Variants in DGCR2 observed in about 807,000 individuals in gnomAD.
DGCR2 encodes integral membrane protein DGCR2/IDD.
Under a neutral mutation model 51.6 loss-of-function variants are expected in DGCR2, and 24 were observed. The ratio of observed to expected loss-of-function variants is 0.47; its 90% CI spans 0.34 to 0.65. The LOEUF is 0.65. DGCR2 is among the 30% of genes least tolerant of loss of function. The pLI, the probability that DGCR2 is intolerant of heterozygous loss-of-function variation, is 0.01. For synonymous variants in DGCR2, 340 were observed against 315.4 expected, an observed-to-expected ratio of 1.08 and a Z score of -0.82; for missense variants, 765 against 772.1, an observed-to-expected ratio of 0.99 and a Z score of 0.11.
Position 19,048,462 on chromosome 22 carries a change from GC to G in DGCR2, c.983del (p.Cys328SerfsTer55). Reference sequence around the variant, plus strand: ...CACCTGGGTCCAGACACATGAACTTGCAGCACTCTTTGGGGTCCTTGCGGTA... The same window carrying G: ...CACCTGGGTCCAGACACATGAACTTGAGCACTCTTTGGGGTCCTTGCGGTA... Reference protein sequence around the residue: ...QQYRKDPKECCKFMCLDPDGN... With the variant: ...QQYRKDPKECXKFMCLDPDGN... On this transcript the variant is annotated frameshift_variant, in exon 7 of 10. Coordinates refer to ENST00000263196, the MANE Select transcript of DGCR2 (RefSeq NM_005137.3). LOFTEE classifies it high-confidence loss of function. 1.2e-6 allele frequency: 2 copies of G among 1,614,208 alleles called. No individual in the cohort carries two copies. The highest frequency in any genetic ancestry group is 1.7e-6 in the Non-Finnish European group (2 of 1,180,054).
intron 1 of DGCR2, among the ~76,000 whole-genome samples, chr22:19,109,781 G>C (rs2083295367): frequency 6.6e-6 from 1 of 152,024 alleles, no homozygotes; most frequent in South Asian, 2.1e-4. Flanking sequence ...CATATTTTAC[G>C]TTATTAAAAA....
intron 3 of DGCR2, 62 bp downstream of exon 3, chr22:19,068,038 G>C: frequency 6.7e-7 from 1 of 1,485,470 alleles, no homozygotes; most frequent in East Asian, 2.4e-5. Context: ...GTGCTGGAAA[G>C]GCAGGGGTCA....
chr22:19,108,339 G>A (rs1275352633), intron 1 of DGCR2, among the ~76,000 whole-genome samples: 1 of 152,108 alleles, frequency 6.6e-6, no homozygotes, highest in Admixed American at 6.5e-5. Context: ...GGAAAGCTGA[G>A]ACAGGAGGAT....
intron 1 of DGCR2, among the ~76,000 whole-genome samples, chr22:19,119,524 TC>T (rs1216244580): frequency 6.6e-6 from 1 of 151,800 alleles, no homozygotes; most frequent in Non-Finnish European, 1.5e-5. Context: ...TCACCAGAGG[TC>T]AGGAGTTCCA....
intron 1 of DGCR2, among the ~76,000 whole-genome samples, chr22:19,090,249 G>A (rs1250133294): frequency 6.6e-6 from 1 of 152,122 alleles, no homozygotes; most frequent in Non-Finnish European, 1.5e-5. Context: ...ATACATGGGG[G>A]AACAGACACA....
chr22:19,083,654 G>A (rs1278195143), intron 2 of DGCR2, among the ~76,000 whole-genome samples: 2 of 150,514 alleles, frequency 1.3e-5, no homozygotes, highest in African/African-American at 2.5e-5. Flanking sequence ...GTTAATTCTC[G>A]TTTATATCAA....
intron 2 of DGCR2, among the ~76,000 whole-genome samples, chr22:19,083,449 T>C (rs1169585713): frequency 1.3e-5 from 2 of 152,186 alleles, no homozygotes; most frequent in African/African-American, 4.8e-5. Flanking sequence ...CTTCTCAACA[T>C]TTTAGAATCG....
chr22:19,038,878 T>G lies in DGCR2; in HGVS notation c.1640A>C (p.Asn547Thr), dbSNP rs754526539. The change falls in exon 10 of 10, where the codon AAT becomes ACT. Residue 547 changes from asparagine (N) to threonine (T), a missense_variant. Physicochemically the swap from Asn to Thr is moderately conservative, Grantham distance 65. This residue lies in a region of DGCR2 where 205 missense variants were observed against 181.4 expected (regional missense o/e 1.13). Coordinates refer to ENST00000263196, the MANE Select transcript of DGCR2 (RefSeq NM_005137.3). The stretch of plus-strand genomic sequence containing the variant: ...AGGCCAGGCCGTCTACACCACAGTA[T>G]TGAGGGAGCTGCGGCTGTGGCGGCC... ...GGGRHSRSSL[N>T]TVV The G allele has an allele frequency of 6.2e-7, 1 of 1,612,918 alleles. No homozygotes were observed. Among genetic ancestry groups the G allele is most frequent in the South Asian group, 1.1e-5 (1 of 91,042 alleles).
chr22:19,056,989 T>C lies in DGCR2; in HGVS notation c.799A>G (p.Arg267Gly). 6.3e-7 allele frequency: 1 copy of C among 1,581,712 alleles called. No homozygotes were observed. Residue 267 changes from arginine to glycine, a missense_variant, in exon 6 of 10, where the codon AGA becomes GGA. This residue lies in a region of DGCR2 where 190 missense variants were observed against 265.2 expected (regional missense o/e 0.72). Transcript: ENST00000263196. ...CYEKSSFLCK[R>G]SQTCVDIKDN... ...ACGCCAGCTCAAGGGGGCTTACTTC[T>C]TTTACACAGAAATGAAGACTTCTCG...
intron 1 of DGCR2, 75 bp from the exon 2 acceptor site, chr22:19,089,565 A>C: frequency 7.3e-7 from 1 of 1,371,116 alleles, no homozygotes; most frequent in Non-Finnish European, 9.6e-7. Flanking sequence ...GGGCTGGATC[A>C]ATCTCTTCCC....
chr22:19,065,270 G>C (rs1459111466), intron 3 of DGCR2: 3 of 581,716 alleles, frequency 5.2e-6, no homozygotes, highest in Non-Finnish European at 9.2e-6. Flanking sequence ...AATGATACAA[G>C]TACATTCGGT....
rs1219482981 is a variant in DGCR2, at chr22:19,063,188, C to G, written c.625+14G>C. 6.2e-7 allele frequency: 1 copy of G among 1,613,686 alleles called. No individual in the cohort carries two copies. Among genetic ancestry groups the G allele is most frequent in the East Asian group, 2.2e-5 (1 of 44,862 alleles). The stretch of plus-strand genomic sequence containing the variant: ...GCCCAGCTTCAAACACTCCCACACA[C>G]CAGAAGGGCTCACCTTTGAATGCCA... On this transcript the variant is annotated intron_variant, in intron 5 of 9. Transcript: ENST00000263196.
chr22:19,056,868 G>C lies in DGCR2; in HGVS notation c.802+118C>G. The C allele has an allele frequency of 2.6e-6, 3 of 1,151,278 alleles. No individual in the cohort carries two copies. The African/African-American group carries it at 4.7e-5, about 18-fold the overall frequency. 71.3% of individuals were successfully genotyped at this position (1,151,278 alleles called of 1,614,324 possible). ...CAAGAACAAGGTGTGAGCTGGTAAGGGGCGTCCACCGCAACACTGCAAATC... is the reference window on the plus strand; with the variant it reads ...CAAGAACAAGGTGTGAGCTGGTAAGCGGCGTCCACCGCAACACTGCAAATC... On this transcript the variant is annotated intron_variant, in intron 6 of 9. Transcript: ENST00000263196.
intron 2 of DGCR2, among the ~76,000 whole-genome samples, chr22:19,073,647 A>C (rs578248928): frequency 1.3e-5 from 2 of 152,334 alleles, no homozygotes; most frequent in African/African-American, 4.8e-5. Flanking sequence ...TGGAGTAAAA[A>C]TGGAGTAAGC....
chr22:19,069,644 C>T (rs2082791525), intron 2 of DGCR2, among the ~76,000 whole-genome samples: 1 of 152,162 alleles, frequency 6.6e-6, no homozygotes, highest in Admixed American at 6.5e-5. Flanking sequence ...CTTTTGATGG[C>T]TGCATAGTAT....
rs777382605 is a variant in DGCR2, at chr22:19,057,111, G to A, written c.677C>T (p.Ser226Phe). The change falls in exon 6 of 10, where the codon TCT (serine) becomes TTT (phenylalanine). Residue 226 changes from serine (S) to phenylalanine (F), a missense_variant. Ser to Phe is a radical substitution (Grantham distance 155). Coordinates refer to ENST00000263196, the MANE Select transcript of DGCR2 (RefSeq NM_005137.3). This position sits in a 1 kb window ranked among gnomAD's most constrained non-coding sequence, Gnocchi z 5.1. ...GGCACAGAACACGTTGTCGTTCTCA[G>A]ACATGGCCGAGGCAAAGATGGGGTC... ...PPDPIFASAM[S>F]ENDNVFCAQL... 6.2e-7 allele frequency: 1 copy of A among 1,608,396 alleles called. No individual in the cohort carries two copies. Among genetic ancestry groups the A allele is most frequent in the Admixed American group, 1.7e-5 (1 of 59,066 alleles).
chr22:19,107,257 T>G (rs1046786314), intron 1 of DGCR2, among the ~76,000 whole-genome samples: 3 of 152,056 alleles, frequency 2.0e-5, no homozygotes, highest in African/African-American at 7.2e-5. Context: ...TCACCACCAC[T>G]GGAGACAGGT....
At chr22:19,084,624 T>G (rs1441375195) in intron 2 of DGCR2, among the ~76,000 whole-genome samples, 4 of 144,126 alleles carry the variant, frequency 2.8e-5, no homozygotes, top group Admixed American at 1.4e-4. Flanking sequence ...GTCTGGGAAG[T>G]GAGGAGCGTC....
intron 6 of DGCR2, among the ~76,000 whole-genome samples, chr22:19,050,547 C>T (rs1200758838): frequency 1.3e-5 from 2 of 152,200 alleles, no homozygotes; most frequent in Non-Finnish European, 2.9e-5. Context: ...TAAAGGCAAT[C>T]GTGATTATAA....
Sources: gnomAD v4.1 joint callset for allele counts (sites outside exome capture counted in the v4.1 genomes callset) on GRCh38, gnomAD v4.1.1 for gene constraint, gnomAD v4.1.1 regional missense constraint, Gnocchi (gnomAD v3.1) non-coding constraint, MANE v1.5 for transcripts, NCBI Gene and HGNC (gene_info 2026-07-23, HGNC 2026-07-21) for gene names.